The following SMARCA2 variants were observed in gnomAD, a reference collection of about 807,000 sequenced individuals.
The protein encoded by SMARCA2 is SWI/SNF-related matrix-associated actin-dependent regulator of chromatin subfamily A member 2.
Under a neutral mutation model 199.8 loss-of-function variants are expected in SMARCA2, and 61 were observed. The ratio of observed to expected loss-of-function variants is 0.31; its 90% confidence interval spans 0.25 to 0.38. SMARCA2 has a LOEUF of 0.38. Among genes scored for constraint, SMARCA2 ranks in the 10% least tolerant of loss-of-function variants. The pLI, the probability that SMARCA2 is intolerant of heterozygous loss-of-function variation, is 1.00. For missense variants in SMARCA2, 1,344 were observed against 2,012.2 expected (o/e 0.67, Z 6.35); for synonymous variants, 935 against 732.0 (o/e 1.28, Z -4.48).
intron 12 of SMARCA2, among the ~76,000 whole-genome samples, chr9:2,073,955 A>G (rs1311620310): frequency 1.3e-5 from 2 of 152,316 alleles, no homozygotes; most frequent in South Asian, 2.1e-4. Context: ...GAAAGGCCAT[A>G]CCATACCTCT....
chr9:2,082,305 AGGT>A (rs1821598927), intron 15 of SMARCA2, among the ~76,000 whole-genome samples: 1 of 114,542 alleles, frequency 8.7e-6, no homozygotes, highest in Non-Finnish European at 1.8e-5. Flanking sequence ...CAAAGGGGAA[AGGT>A]GTGTGTGTGT....
chr9:2,019,516 T>G (rs1818513491), intron 1 of SMARCA2, among the ~76,000 whole-genome samples: 1 of 147,620 alleles, frequency 6.8e-6, no homozygotes, highest in Non-Finnish European at 1.5e-5. Context: ...AAAAAAAAAG[T>G]GCCTCGGCTT....
intron 28 of SMARCA2, among the ~76,000 whole-genome samples, chr9:2,163,363 G>T (rs1825779780): frequency 6.6e-6 from 1 of 152,194 alleles, no homozygotes; most frequent in Non-Finnish European, 1.5e-5. Context: ...TGGACCAACG[G>T]TTCATTAATG....
At position 2,119,878 on chromosome 9, in the gene SMARCA2, G is replaced by A. The variant is rs573384567; in HGVS notation, c.3762+343G>A. 4.9e-4 allele frequency among the ~76,000 whole-genome samples: 74 copies of A among 152,268 alleles called. No homozygotes were observed. Among genetic ancestry groups the A allele is most frequent in the African/African-American group, 1.4e-3 (60 of 41,544 alleles). Reference sequence around the variant, plus strand: ...GCTGCACTCTCTGGACAGGCCTCGCGGTCTACAGCTTACCATAGACGCCCT... The same window carrying A: ...GCTGCACTCTCTGGACAGGCCTCGCAGTCTACAGCTTACCATAGACGCCCT... On this transcript the variant is annotated intron_variant, in intron 26 of 33. Transcript: ENST00000349721. This position sits in a 1 kb window ranked among gnomAD's most constrained non-coding sequence, Gnocchi z 4.6.
intron 28 of SMARCA2, among the ~76,000 whole-genome samples, chr9:2,168,702 CTA>C (rs1327629355): frequency 6.6e-6 from 1 of 152,204 alleles, no homozygotes; most frequent in African/African-American, 2.4e-5. Flanking sequence ...TAAACCAAAT[CTA>C]TGTCATTATG....
At chr9:2,178,936 G>GAAAC (rs1826815244) in intron 29 of SMARCA2, among the ~76,000 whole-genome samples, 1 of 152,178 alleles carries the variant, frequency 6.6e-6, no homozygotes, top group South Asian at 2.1e-4. Flanking sequence ...AGGGAGGAGA[G>GAAAC]AAACAATAAC....
chr9:2,181,780 A>C, intron 30 of SMARCA2, 104 bp downstream of exon 30: 1 of 683,242 alleles, frequency 1.5e-6, no homozygotes, highest in Non-Finnish European at 2.6e-6. Flanking sequence ...ATGGGTACCC[A>C]GGGCTCGCGA....
At chr9:2,166,028 C>T (rs2129676203) in intron 28 of SMARCA2, among the ~76,000 whole-genome samples, 1 of 152,290 alleles carries the variant, frequency 6.6e-6, no homozygotes, top group Non-Finnish European at 1.5e-5. Context: ...ATCACCGTTT[C>T]CTACATTAAA....
chr9:2,162,053 T>A, intron 28 of SMARCA2, 150 bp downstream of exon 28: 1 of 576,692 alleles, frequency 1.7e-6, no homozygotes, highest in Non-Finnish European at 3.0e-6. Flanking sequence ...TGTACCTGTT[T>A]AAAATGGCCA....
chr9:2,056,813 G>C lies in SMARCA2; in HGVS notation c.1315G>C (p.Glu439Gln). ...TEKLEKQQKI[E>Q]QERKRRQKHQ... is the part of the protein sequence containing the mutation. ...GAAGCTGGAGAAGCAGCAGAAGATTGAGCAGGAGAGGAAACGCCGTCAGAA... is the reference window on the plus strand; with the variant it reads ...GAAGCTGGAGAAGCAGCAGAAGATTCAGCAGGAGAGGAAACGCCGTCAGAA... Residue 439 changes from glutamate to glutamine, a missense_variant, in exon 7 of 34, where the codon GAG (glutamate) becomes CAG (glutamine). This residue lies in a region of SMARCA2 where 155 missense variants were observed against 260.0 expected (regional missense o/e 0.60). Coordinates refer to ENST00000349721, the MANE Select transcript of SMARCA2 (RefSeq NM_003070.5). This position sits in a 1 kb window ranked among gnomAD's most constrained non-coding sequence, Gnocchi z 4.0. The C allele has an allele frequency of 6.2e-7, 1 of 1,614,176 alleles. No homozygotes were observed. Among genetic ancestry groups the C allele is most frequent in the Non-Finnish European group, 8.5e-7 (1 of 1,180,010 alleles).
intron 27 of SMARCA2, chr9:2,158,024 G>A (rs888741635): frequency 1.3e-5 from 5 of 394,250 alleles, no homozygotes; most frequent in Non-Finnish European, 2.2e-5. Flanking sequence ...GCATTTTGCT[G>A]TCAGAACGTG....
Position 2,016,642 on chromosome 9 carries a change from C to T in SMARCA2, c.-37+1238C>T, listed in dbSNP as rs573210241. Reference sequence around the variant, plus strand: ...CCGGGCAGCGGCGGTGTGGTTCGCCCGGGAAGGGGAAGGGCTGCGGTGGGG... The same window carrying T: ...CCGGGCAGCGGCGGTGTGGTTCGCCTGGGAAGGGGAAGGGCTGCGGTGGGG... On this transcript the variant is annotated intron_variant, in intron 1 of 33. Coordinates refer to ENST00000349721, the MANE Select transcript of SMARCA2 (RefSeq NM_003070.5). The surrounding 1 kb of genome is among the most constrained non-coding windows in gnomAD (Gnocchi z 5.6). Among the ~76,000 whole-genome samples, 1 of 74,386 alleles carries T rather than the reference C, an allele frequency of 1.3e-5. No individual in the cohort carries two copies. The highest frequency in any genetic ancestry group is 5.3e-5 in the African/African-American group (1 of 18,804). The allele number at this position is 74,386 out of a possible 152,430, so 48.8% of individuals were successfully genotyped here. A position where few individuals can be genotyped will look rare whatever the true frequency, so the allele number is the denominator to read the frequency against.
chr9:2,019,417 G>A lies in SMARCA2; in HGVS notation c.-37+4013G>A, dbSNP rs533727815. On this transcript the variant is annotated intron_variant, in intron 1 of 33. Coordinates refer to ENST00000349721, the MANE Select transcript of SMARCA2 (RefSeq NM_003070.5). ...CAGCCTTAGATCTTTTCTTTTGTTCGTTTGTAAAGTGGTTTTTGAGCATTT... is the reference window on the plus strand; with the variant it reads ...CAGCCTTAGATCTTTTCTTTTGTTCATTTGTAAAGTGGTTTTTGAGCATTT... Among the ~76,000 whole-genome samples the A allele has an allele frequency of 6.1e-5, 9 of 148,376 alleles. No individual in the cohort carries two copies. In the East Asian group the frequency reaches 8.0e-4, roughly 13 times the overall value.
rs1333348867 is a variant in SMARCA2 at position 2,039,405 on chromosome 9, G to A, written c.356-61G>A. On this transcript the variant is annotated intron_variant, in intron 3 of 33. Transcript: ENST00000349721. The surrounding 1 kb of genome is among the most constrained non-coding windows in gnomAD (Gnocchi z 4.8). ...GTGGACAATTATTAGAGTATTCAGG[G>A]ATATCTCTCTTTCAGGGTTGTCAGG... 4.6e-6 allele frequency: 7 copies of A among 1,513,670 alleles called. No homozygotes were observed. Among genetic ancestry groups the A allele is most frequent in the Non-Finnish European group, 6.3e-6 (7 of 1,110,940 alleles). 93.8% of individuals were successfully genotyped at this position (1,513,670 alleles called of 1,614,324 possible). A position where few individuals can be genotyped will look rare whatever the true frequency, so the allele number is the denominator to read the frequency against.
In SMARCA2 at chr9:2,039,787, A is replaced by AGCAGCAGCC. The variant is rs1467912444; in HGVS notation, c.685_686insCGCAGCAGC (p.Gln228_Gln229insProGlnGln). 6 of 1,572,214 alleles carry AGCAGCAGCC rather than the reference A, an allele frequency of 3.8e-6. No individual in the cohort carries two copies. The African/African-American group carries it at 6.8e-5, about 18-fold the overall frequency. On this transcript the variant is annotated inframe_insertion, in exon 4 of 34. Coordinates refer to ENST00000349721, the MANE Select transcript of SMARCA2 (RefSeq NM_003070.5). This position sits in a 1 kb window ranked among gnomAD's most constrained non-coding sequence, Gnocchi z 4.8. Reference sequence around the variant, plus strand: ...CAACAGCAGCAGCAACAGCAGCAGCAGCAGCAGCAGCAGCAGCAGCAGCAG... The same window carrying AGCAGCAGCC: ...CAACAGCAGCAGCAACAGCAGCAGCAGCAGCAGCCGCAGCAGCAGCAGCAGCAGCAGCAG...
chr9:2,157,347 A>G (rs912842878), intron 27 of SMARCA2, among the ~76,000 whole-genome samples: 2 of 152,102 alleles, frequency 1.3e-5, no homozygotes, highest in African/African-American at 2.4e-5. Context: ...TGTCCCCAGA[A>G]AGCACCAGTA....
chr9:2,159,422 C>A, intron 27 of SMARCA2: 1 of 206,076 alleles, frequency 4.9e-6, no homozygotes, highest in Non-Finnish European at 9.8e-6. Flanking sequence ...TTTTAAAAAT[C>A]ATTTAGACTG....
At chr9:2,108,148 G>C (rs1011386073) in intron 23 of SMARCA2, among the ~76,000 whole-genome samples, 1 of 152,186 alleles carries the variant, frequency 6.6e-6, no homozygotes, top group African/African-American at 2.4e-5. Flanking sequence ...AACATCAAAA[G>C]GCCATCTCTT....
Position 2,165,995 on chromosome 9 carries a change from C to T in SMARCA2, c.4199+4092C>T, listed in dbSNP as rs139558061. 5.3e-3 allele frequency among the ~76,000 whole-genome samples: 801 copies of T among 152,320 alleles called. 3 individuals carry two copies. The highest frequency in any genetic ancestry group is 0.018 in the African/African-American group (769 of 41,570). On this transcript the variant is annotated intron_variant, in intron 28 of 33. Coordinates refer to ENST00000349721, the MANE Select transcript of SMARCA2 (RefSeq NM_003070.5). ...CTCCCTGCTTCAGAGCAGTTCTTGACACCAAAGGACAGTTCTAAACACATC... is the reference window on the plus strand; with the variant it reads ...CTCCCTGCTTCAGAGCAGTTCTTGATACCAAAGGACAGTTCTAAACACATC...
Sources: allele counts gnomAD v4.1 joint callset (sites outside exome capture counted in the v4.1 genomes callset), GRCh38; gene constraint gnomAD v4.1.1; regional missense constraint gnomAD v4.1.1; non-coding constraint Gnocchi (gnomAD v3.1); transcripts MANE v1.5; gene names NCBI Gene and HGNC (gene_info 2026-07-23, HGNC 2026-07-21).